Variants in NR3C2 observed in about 807,000 individuals in gnomAD.
NR3C2 encodes the protein mineralocorticoid receptor.
A neutral mutation model predicts 86.4 loss-of-function variants in NR3C2; 15 were observed. That is an observed-to-expected ratio of 0.17 (90% confidence interval 0.12 to 0.27). NR3C2 has a LOEUF of 0.27. Ranked by LOEUF, NR3C2 falls within the 10% of genes least tolerant of loss-of-function variation. The pLI, the probability that NR3C2 is intolerant of heterozygous loss-of-function variation, is 1.00. For missense variants in NR3C2, 960 were observed against 1,195.6 expected (o/e 0.80, Z 2.91); for synonymous variants, 458 against 450.5 (o/e 1.02, Z -0.21).
At chr4:148,222,514 A>G (rs1737913198) in intron 3 of NR3C2, among the ~76,000 whole-genome samples, 2 of 152,222 alleles carry the variant, frequency 1.3e-5, no homozygotes, top group Admixed American at 6.5e-5. Context: ...ATGGCAATAT[A>G]ATTCCTGAAA....
chr4:148,152,449 G>A lies in NR3C2; in HGVS notation c.2510+20C>T. ...TAACTCTGCAGTTTATTTTATGAAG[G>A]CTAATTAATAGGTACTTACTCATTA... On this transcript the variant is annotated intron_variant, in intron 6 of 8. Coordinates refer to ENST00000358102, the MANE Select transcript of NR3C2 (RefSeq NM_000901.5). The A allele has an allele frequency of 1.2e-6, 2 of 1,610,260 alleles. No homozygotes were observed. The highest frequency in any genetic ancestry group is 2.2e-5 in the East Asian group (1 of 44,816).
chr4:148,433,819 A>G (rs140602403), intron 2 of NR3C2, among the ~76,000 whole-genome samples: 6 of 152,324 alleles, frequency 3.9e-5, no homozygotes, highest in South Asian at 2.1e-4. Context: ...CACATGCTCA[A>G]TTTGGTTCTG....
chr4:148,395,379 C>G (rs1367057425), intron 2 of NR3C2, among the ~76,000 whole-genome samples: 1 of 152,096 alleles, frequency 6.6e-6, no homozygotes, highest in Non-Finnish European at 1.5e-5. Flanking sequence ...AATCCTCACT[C>G]TGGGTTCTGG....
At chr4:148,096,437 G>GT (rs981146330) in intron 8 of NR3C2, among the ~76,000 whole-genome samples, 11 of 152,228 alleles carry the variant, frequency 7.2e-5, no homozygotes, top group Admixed American at 3.9e-4. Flanking sequence ...AGATTAGGCA[G>GT]TTAAATCCTT....
chr4:148,248,762 T>A (rs777829907), intron 3 of NR3C2, among the ~76,000 whole-genome samples: 12 of 152,200 alleles, frequency 7.9e-5, no homozygotes, highest in South Asian at 2.1e-4. Flanking sequence ...TCAAATCAAA[T>A]ATTTAACATG....
intron 8 of NR3C2, among the ~76,000 whole-genome samples, chr4:148,106,166 C>G (rs1000948529): frequency 6.6e-6 from 1 of 152,204 alleles, no homozygotes. Context: ...TCAGCAAAGT[C>G]TCAGGATATA....
At chr4:148,215,726 TAGG>T (rs2149821303) in intron 3 of NR3C2, among the ~76,000 whole-genome samples, 1 of 152,146 alleles carries the variant, frequency 6.6e-6, no homozygotes, top group Admixed American at 6.5e-5. Context: ...TGCAAAGATC[TAGG>T]AGATCTCCAA....
intron 3 of NR3C2, among the ~76,000 whole-genome samples, chr4:148,225,835 T>A (rs1738128548): frequency 6.6e-6 from 1 of 152,116 alleles, no homozygotes; most frequent in Non-Finnish European, 1.5e-5. Flanking sequence ...GTTTTCACAC[T>A]CTTACTCAAA....
intron 6 of NR3C2, among the ~76,000 whole-genome samples, chr4:148,149,968 A>G (rs935487238): frequency 1.3e-5 from 2 of 152,212 alleles, no homozygotes; most frequent in Admixed American, 6.5e-5. Context: ...AAATGGTGCA[A>G]CTGCTGTGGA....
chr4:148,323,356 G>A (rs1445021099), intron 2 of NR3C2, among the ~76,000 whole-genome samples: 6 of 149,114 alleles, frequency 4.0e-5, no homozygotes, highest in Non-Finnish European at 4.4e-5. Context: ...TGCCCCCAGA[G>A]GTGGAGCCTA....
Position 148,114,374 on chromosome 4 carries a change from G to T in NR3C2, c.2642-113C>A. ...GTTAGATACTAAATCTCAATTAATT[G>T]CATTTATGAATAAATATGGCAGCTG... is the stretch of plus-strand genomic sequence containing the variant. On this transcript the variant is annotated intron_variant, in intron 7 of 8. Transcript: ENST00000358102. 6 of 1,135,440 alleles carry T rather than the reference G, an allele frequency of 5.3e-6. 1 individual carries two copies. Among genetic ancestry groups the T allele is most frequent in the Non-Finnish European group, 6.4e-6 (5 of 776,364 alleles). 70.3% of individuals were successfully genotyped at this position (1,135,440 alleles called of 1,614,324 possible). A position where few individuals can be genotyped will look rare whatever the true frequency, so the allele number is the denominator to read the frequency against.
chr4:148,435,083 A>T (rs748349490), intron 2 of NR3C2, 21 bp downstream of exon 2: 2 of 1,613,534 alleles, frequency 1.2e-6, no homozygotes, highest in Non-Finnish European at 1.7e-6. Context: ...ACTTCCAAAA[A>T]AATGGAGAAA....
At position 148,080,388 on chromosome 4, in the gene NR3C2, A is replaced by G. The variant is rs1221067352; in HGVS notation, c.*956T>C. ...AATTAGATATGAAGCTAAAAAAGGC[A>G]CAGCTTTCCCTTTCTTAAATACACT... On this transcript the variant is annotated 3_prime_UTR_variant, in exon 9 of 9. Coordinates refer to ENST00000358102, the MANE Select transcript of NR3C2 (RefSeq NM_000901.5). 1 of 152,686 alleles carries G rather than the reference A, an allele frequency of 6.5e-6. No individual in the cohort carries two copies. Among genetic ancestry groups the G allele is most frequent in the East Asian group, 1.9e-4 (1 of 5,206 alleles). The allele number at this position is 152,686 out of a possible 1,614,324, so 9.5% of individuals were successfully genotyped here. A position where few individuals can be genotyped will look rare whatever the true frequency, so the allele number is the denominator to read the frequency against.
chr4:148,438,122 T>C (rs1750166136), intron 1 of NR3C2, among the ~76,000 whole-genome samples: 1 of 152,210 alleles, frequency 6.6e-6, no homozygotes, highest in African/African-American at 2.4e-5. Context: ...TGATCGCAAG[T>C]CTCTCTCTAT....
At chr4:148,228,104 G>C (rs1320661586) in intron 3 of NR3C2, among the ~76,000 whole-genome samples, 1 of 152,162 alleles carries the variant, frequency 6.6e-6, no homozygotes, top group African/African-American at 2.4e-5. Context: ...CATATTAAAA[G>C]CCAGGAGATC....
intron 3 of NR3C2, among the ~76,000 whole-genome samples, chr4:148,223,470 T>C (rs1579034550): frequency 6.6e-6 from 1 of 152,320 alleles, no homozygotes; most frequent in East Asian, 1.9e-4. Flanking sequence ...CCTGGCAGAC[T>C]GTCAATAAAT....
chr4:148,250,129 A>G (rs1739506311), intron 3 of NR3C2, among the ~76,000 whole-genome samples: 1 of 152,180 alleles, frequency 6.6e-6, no homozygotes, highest in Admixed American at 6.5e-5. Context: ...ATAACTACTT[A>G]TCTCTAGAAA....
At chr4:148,427,057 C>T (rs1749575596) in intron 2 of NR3C2, among the ~76,000 whole-genome samples, 1 of 151,956 alleles carries the variant, frequency 6.6e-6, no homozygotes, top group South Asian at 2.1e-4. Context: ...CACGTTCAAG[C>T]GATTCTTGCG....
chr4:148,290,775 C>T lies in NR3C2; in HGVS notation c.1758-30658G>A, dbSNP rs148008701. 8.3e-4 allele frequency among the ~76,000 whole-genome samples: 126 copies of T among 152,224 alleles called. 1 individual carries two copies. Among genetic ancestry groups the T allele is most frequent in the Admixed American group, 2.5e-3 (38 of 15,278 alleles). ...TTCTAAATTTCAAATACCTCTCTAG[C>T]GGGTTCTAGTCTATCATCACTTCTG... On this transcript the variant is annotated intron_variant, in intron 2 of 8. Transcript: ENST00000358102.
Sources: allele counts gnomAD v4.1 joint callset (sites outside exome capture counted in the v4.1 genomes callset), GRCh38; gene constraint gnomAD v4.1.1; transcripts MANE v1.5; gene names NCBI Gene and HGNC (gene_info 2026-07-23, HGNC 2026-07-21).